Variants in RSPH9 observed in about 807,000 individuals in gnomAD.
RSPH9 encodes the protein radial spoke head component 9.
A neutral mutation model predicts 27.0 loss-of-function variants in RSPH9; 27 were observed. The ratio of observed to expected loss-of-function variants is 1.00; its 90% confidence interval spans 0.74 to 1.38. The LOEUF is 1.38. Ranked by LOEUF, RSPH9 falls within the 40% of genes most tolerant of loss-of-function variation. RSPH9 has a pLI of 0.00. For synonymous variants in RSPH9, 145 were observed against 147.7 expected (o/e 0.98, Z 0.13); for missense variants, 347 against 357.4 (o/e 0.97, Z 0.24).
chr6:43,646,312 T>G (rs558706006), intron 1 of RSPH9, among the ~76,000 whole-genome samples: 55 of 151,362 alleles, frequency 3.6e-4, no homozygotes, highest in Middle Eastern at 3.4e-3. Flanking sequence ...TTTTTTGTAT[T>G]TTTAGTAGAG....
In RSPH9 at chr6:43,656,564, C is replaced by T. The variant is rs748598541; in HGVS notation, c.524-13C>T. On this transcript the variant is annotated splice_polypyrimidine_tract_variant and intron_variant, in intron 3 of 4. Coordinates refer to ENST00000372163, the MANE Select transcript of RSPH9 (RefSeq NM_152732.5). Reference sequence around the variant, plus strand: ...GGCTAACCATCATTTTCCTGCCTGCCACCTCTTTCTAGGACTGTCCTTGTC... The same window carrying T: ...GGCTAACCATCATTTTCCTGCCTGCTACCTCTTTCTAGGACTGTCCTTGTC... 6.2e-7 allele frequency: 1 copy of T among 1,614,140 alleles called. No individual in the cohort carries two copies. Among genetic ancestry groups the T allele is most frequent in the South Asian group, 1.1e-5 (1 of 91,072 alleles).
At chr6:43,650,348 C>T in intron 1 of RSPH9, 27 bp from the exon 2 acceptor site, 1 of 1,612,078 alleles carries the variant, frequency 6.2e-7, no homozygotes. Flanking sequence ...AGTTGGAATC[C>T]AGGGGTGATG....
intron 4 of RSPH9, among the ~76,000 whole-genome samples, chr6:43,661,432 G>A (rs897030649): frequency 6.6e-6 from 1 of 152,124 alleles, no homozygotes; most frequent in African/African-American, 2.4e-5. Context: ...AGGCCGAGGT[G>A]GGCGGATCAC....
At chr6:43,662,709 C>T (rs534730924) in intron 4 of RSPH9, among the ~76,000 whole-genome samples, 3 of 152,266 alleles carry the variant, frequency 2.0e-5, no homozygotes, top group East Asian at 3.9e-4. Flanking sequence ...ACTGGAGTTG[C>T]ACTTTTAATT....
intron 4 of RSPH9, chr6:43,666,380 T>C (rs1417083619): frequency 7.0e-7 from 1 of 1,435,810 alleles, no homozygotes; most frequent in African/African-American, 1.4e-5. Flanking sequence ...GGATGGGATT[T>C]GGCAGCTGTT....
intron 4 of RSPH9, among the ~76,000 whole-genome samples, chr6:43,664,002 C>T (rs983842585): frequency 2.0e-5 from 3 of 147,160 alleles, no homozygotes; most frequent in African/African-American, 7.7e-5. Context: ...GCACTCCAGC[C>T]TGGGTGACAG....
Position 43,667,005 on chromosome 6 carries a change from A to C in RSPH9, c.671-3784A>C, listed in dbSNP as rs146365110. ...GTGATCTGCCCACCTCAGCCTCCCA[A>C]AGTGCTGGGATTACAGGCGTGAGCC... On this transcript the variant is annotated intron_variant, in intron 4 of 4. Coordinates refer to ENST00000372163, the MANE Select transcript of RSPH9 (RefSeq NM_152732.5). Among the ~76,000 whole-genome samples the C allele has an allele frequency of 4.3e-3, 657 of 152,264 alleles. 12 individuals are homozygous for C. The highest frequency in any genetic ancestry group is 0.032 in the Admixed American group (488 of 15,282).
At chr6:43,669,142 A>T (rs1265535070) in intron 4 of RSPH9, among the ~76,000 whole-genome samples, 4 of 152,198 alleles carry the variant, frequency 2.6e-5, no homozygotes, top group Non-Finnish European at 5.9e-5. Context: ...TTCCAGCCGG[A>T]GCCCCGCTAA....
intron 1 of RSPH9, among the ~76,000 whole-genome samples, chr6:43,647,836 T>C (rs1771041197): frequency 6.6e-6 from 1 of 151,992 alleles, no homozygotes; most frequent in African/African-American, 2.4e-5. Flanking sequence ...GCACCAGGAG[T>C]TCAGTGGTAA....
chr6:43,652,570 C>T (rs1412740847), intron 2 of RSPH9, among the ~76,000 whole-genome samples: 2 of 151,472 alleles, frequency 1.3e-5, no homozygotes, highest in African/African-American at 4.8e-5. Context: ...GGATTACAGG[C>T]ACCTGGCACC....
Position 43,670,813 on chromosome 6 carries a change from G to A in RSPH9, c.695G>A (p.Arg232Lys), listed in dbSNP as rs754525382. 4 of 1,614,212 alleles carry A rather than the reference G, an allele frequency of 2.5e-6. No homozygotes were observed. Among genetic ancestry groups the A allele is most frequent in the East Asian group, 4.5e-5 (2 of 44,882 alleles). ...PKGSWSIQME[R>K]GNALVVLRSL... is the part of the protein sequence containing the mutation. ...GGGTCCTGGAGCATCCAGATGGAGA[G>A]GGGCAATGCCCTGGTGGTGCTGCGC... The change falls in exon 5 of 5, where the codon AGG becomes AAG. Residue 232 changes from arginine (R) to lysine (K), a missense_variant. Transcript: ENST00000372163.
At chr6:43,648,495 T>A (rs1045179090) in intron 1 of RSPH9, among the ~76,000 whole-genome samples, 6 of 152,056 alleles carry the variant, frequency 3.9e-5, no homozygotes, top group Admixed American at 3.9e-4. Context: ...TAGAGAAGAA[T>A]AAGTGAGGGG....
At chr6:43,661,660 C>CAA (rs758308013) in intron 4 of RSPH9, among the ~76,000 whole-genome samples, 8,257 of 89,958 alleles carry the variant, frequency 0.092, 647 homozygotes, top group Non-Finnish European at 0.1. Context: ...GACTCTGTCT[C>CAA]AAAAAAAAAA....
At position 43,648,835 on chromosome 6, in the gene RSPH9, A is replaced by C. The variant is rs1771148163; in HGVS notation, c.228-1540A>C. On this transcript the variant is annotated intron_variant, in intron 1 of 4. Coordinates refer to ENST00000372163, the MANE Select transcript of RSPH9 (RefSeq NM_152732.5). ...GGAAGGCAGGTGGGAAAGATTGCAAAAAGAAAAGAGGGGTGAGAATGGGTC... is the reference window on the plus strand; with the variant it reads ...GGAAGGCAGGTGGGAAAGATTGCAACAAGAAAAGAGGGGTGAGAATGGGTC... Among the ~76,000 whole-genome samples, 4 of 152,168 alleles carry C rather than the reference A, an allele frequency of 2.6e-5. 1 individual carries two copies. Among genetic ancestry groups the C allele is most frequent in the Admixed American group, 2.6e-4 (4 of 15,274 alleles).
chr6:43,655,574 G>C lies in RSPH9; in HGVS notation c.406G>C (p.Glu136Gln), dbSNP rs1771919718. 6.2e-7 allele frequency: 1 copy of C among 1,614,168 alleles called. No individual in the cohort carries two copies. Among genetic ancestry groups the C allele is most frequent in the Non-Finnish European group, 8.5e-7 (1 of 1,180,022 alleles). Residue 136 changes from glutamate to glutamine, a missense_variant, in exon 3 of 5, where the codon GAA (glutamate) becomes CAA (glutamine). By Grantham distance (29) the Glu-to-Gln change is conservative (BLOSUM62 2). Transcript: ENST00000372163. ...CCTGTCTCCTCAGGTCCAGATCAAG[G>C]AAGAGACCCGCTTGGTGTCTGTCAT... is the stretch of plus-strand genomic sequence containing the variant. ...FEEEIVVQIK[E>Q]ETRLVSVIDQ...
In RSPH9 at chr6:43,670,777, G is replaced by A; in HGVS notation, c.671-12G>A. 2 of 1,613,732 alleles carry A rather than the reference G, an allele frequency of 1.2e-6. No homozygotes were observed. Among genetic ancestry groups the A allele is most frequent in the African/African-American group, 2.7e-5 (2 of 75,060 alleles). ...CAGCACCAGGCCTCACCTCCTGCCT[G>A]TCTTATCTCAGGGTCCTGGAGCATC... On this transcript the variant is annotated splice_polypyrimidine_tract_variant and intron_variant, in intron 4 of 4. Coordinates refer to ENST00000372163, the MANE Select transcript of RSPH9 (RefSeq NM_152732.5).
intron 4 of RSPH9, among the ~76,000 whole-genome samples, chr6:43,665,758 C>G (rs924342081): frequency 6.6e-6 from 1 of 152,168 alleles, no homozygotes; most frequent in Non-Finnish European, 1.5e-5. Context: ...TGGGAAACCT[C>G]CCCATACTCT....
intron 4 of RSPH9, among the ~76,000 whole-genome samples, chr6:43,662,565 C>T (rs1406826296): frequency 6.6e-6 from 1 of 152,030 alleles, no homozygotes; most frequent in Non-Finnish European, 1.5e-5. Flanking sequence ...GACGGGGTTT[C>T]ACCATGTTAG....
chr6:43,648,633 C>T (rs1007551763), intron 1 of RSPH9, among the ~76,000 whole-genome samples: 1 of 152,138 alleles, frequency 6.6e-6, no homozygotes, highest in Non-Finnish European at 1.5e-5. Flanking sequence ...GACATGACAG[C>T]TTAGGTGTGA....
Sources: gnomAD v4.1 joint callset for allele counts (sites outside exome capture counted in the v4.1 genomes callset) on GRCh38, gnomAD v4.1.1 for gene constraint, MANE v1.5 for transcripts, NCBI Gene and HGNC (gene_info 2026-07-23, HGNC 2026-07-21) for gene names.